Variants in MYO15B observed in about 807,000 individuals in gnomAD.
MYO15B encodes the protein myosin XVB pseudogene.
Under a neutral mutation model 119.3 loss-of-function variants are expected in MYO15B, and 207 were observed. That is an observed-to-expected ratio of 1.73 (90% CI 1.55 to 1.95). MYO15B has a LOEUF of 1.95. MYO15B is among the 30% of genes most tolerant of loss of function. MYO15B has a pLI of 0.00. For synonymous variants in MYO15B, 966 were observed against 498.9 expected (o/e 1.94, Z -12.48); for missense variants, 2,264 against 1,203.1 (o/e 1.88, Z -13.04).
chr17:75,592,285 C>T (rs2056519563), exon 7 of MYO15B: 1 of 702,860 alleles, frequency 1.4e-6, no homozygotes, highest in East Asian at 2.7e-5. Flanking sequence ...CTTGAGACCT[C>T]CAGGGTGGTG....
chr17:75,589,504 G>A lies in MYO15B; in HGVS notation c.1447G>A (p.Gly483Arg). The A allele has an allele frequency of 2.5e-6, 1 of 398,744 alleles. No individual in the cohort carries two copies. The highest frequency in any genetic ancestry group is 3.6e-5 in the East Asian group (1 of 28,026). 24.7% of individuals were successfully genotyped at this position (398,744 alleles called of 1,614,324 possible). The stretch of plus-strand genomic sequence containing the variant: ...TGACGAGGGCCGGGACCACCAGAGA[G>A]GGTACGAGGGGTGGGGCCGTGAGCC... The change falls in exon 1 of 64, where the codon GGG (glycine) becomes AGG (arginine). Residue 483 changes from glycine to arginine, a missense_variant. Gly to Arg is a moderately radical substitution (Grantham distance 125, BLOSUM62 -2). Coordinates refer to ENST00000645453, the Ensembl canonical transcript of MYO15B. This position sits in a 1 kb window ranked among gnomAD's most constrained non-coding sequence, Gnocchi z 4.2.
intron 56 of MYO15B, 46 bp downstream of exon 56, chr17:75,624,315 G>A (rs1568234437): frequency 2.8e-6 from 2 of 702,754 alleles, no homozygotes; most frequent in East Asian, 5.4e-5. Context: ...CTGGGGTGGG[G>A]AGTGTCTCCT....
At chr17:75,594,666 C>T (rs1271519680) in intron 10 of MYO15B, 35 bp from the exon 11 acceptor site, 1 of 702,190 alleles carries the variant, frequency 1.4e-6, no homozygotes, top group Non-Finnish European at 2.6e-6. Context: ...GGGCTGCAGG[C>T]CTGACACACC....
chr17:75,601,004 A>G (rs1002371805), intron 14 of MYO15B, among the ~76,000 whole-genome samples: 1 of 151,262 alleles, frequency 6.6e-6, no homozygotes, highest in African/African-American at 2.4e-5. Flanking sequence ...CCTGGGTTCA[A>G]GTGATTCTCC....
Position 75,603,276 on chromosome 17 carries a change from TC to T in MYO15B, c.3984del (p.Val1329CysfsTer33). 1 of 703,078 alleles carries T rather than the reference TC, an allele frequency of 1.4e-6. No homozygotes were observed. The allele number at this position is 703,078 out of a possible 1,614,324, so 43.6% of individuals were successfully genotyped here. On this transcript the variant is annotated frameshift_variant, in exon 19 of 64. Transcript: ENST00000645453. LOFTEE classifies it high-confidence loss of function. Reference sequence around the variant, plus strand: ...GCCGTGGGCACCCGCAGTGCCAACTTCCCCGTGCGTGTGCCCTTTGAGGCCT... The same window carrying T: ...GCCGTGGGCACCCGCAGTGCCAACTTCCCGTGCGTGTGCCCTTTGAGGCCT...
At chr17:75,607,477 G>A (rs1038018289) in intron 21 of MYO15B, among the ~76,000 whole-genome samples, 10 of 150,190 alleles carry the variant, frequency 6.7e-5, no homozygotes, top group Non-Finnish European at 1.2e-4. Flanking sequence ...TTGAGATGGA[G>A]TCTTGCTCTG....
chr17:75,621,795 G>A (rs1025191720), intron 52 of MYO15B: 2 of 605,368 alleles, frequency 3.3e-6, no homozygotes, highest in Non-Finnish European at 5.9e-6. Context: ...TGGGTCCAGA[G>A]GATGCTATGT....
intron 52 of MYO15B, 39 bp downstream of exon 52, chr17:75,621,609 G>A (rs2058716555): frequency 1.4e-6 from 1 of 694,968 alleles, no homozygotes; most frequent in Non-Finnish European, 2.6e-6. Flanking sequence ...CATGTCTGCA[G>A]TGCCATGAAC....
At chr17:75,624,507 T>G (rs1210143001) in intron 57 of MYO15B, 36 bp from the exon 58 acceptor site, 3 of 702,856 alleles carry the variant, frequency 4.3e-6, no homozygotes, top group African/African-American at 1.7e-5. Flanking sequence ...TCCCCCAGCC[T>G]CCCTCCCCCT....
chr17:75,593,175 CAT>C (rs1450798532), intron 9 of MYO15B: 2 of 116,282 alleles, frequency 1.7e-5, no homozygotes, highest in Non-Finnish European at 3.1e-5. Context: ...GCCTAGGCAA[CAT>C]AGAGAAACCC....
chr17:75,588,931 A>G (rs1287740799), exon 1 of MYO15B: 3 of 398,134 alleles, frequency 7.5e-6, no homozygotes, highest in African/African-American at 2.1e-5. Context: ...GCCAGAAACA[A>G]TGCAGGCCTC....
intron 37 of MYO15B, 26 bp downstream of exon 37, chr17:75,616,173 CGT>C: frequency 3.5e-6 from 2 of 565,466 alleles, no homozygotes; most frequent in Non-Finnish European, 6.2e-6. Flanking sequence ...GTGGCAGGAC[CGT>C]GCAGAAACAT....
In MYO15B at chr17:75,624,951, T is replaced by A. The variant is rs1249026057; in HGVS notation, c.8688+35T>A. Reference sequence around the variant, plus strand: ...CCTGCCTCCGAGCTGCTGCTGCAGTTTGAGGGCGCGGCTTCCTGCCTGGGC... The same window carrying A: ...CCTGCCTCCGAGCTGCTGCTGCAGTATGAGGGCGCGGCTTCCTGCCTGGGC... On this transcript the variant is annotated intron_variant, in intron 59 of 63. Coordinates refer to ENST00000645453, the Ensembl canonical transcript of MYO15B. 1.1e-5 allele frequency: 8 copies of A among 698,014 alleles called. No homozygotes were observed. The Admixed American group carries it at 1.2e-4, about 10-fold the overall frequency. 43.2% of individuals were successfully genotyped at this position (698,014 alleles called of 1,614,324 possible).
chr17:75,601,612 C>A (rs1391291832), intron 15 of MYO15B, 49 bp downstream of exon 15: 2 of 687,736 alleles, frequency 2.9e-6, no homozygotes, highest in Non-Finnish European at 2.7e-6. Context: ...GGGCAGTGTC[C>A]CCTCCCAAGC....
intron 48 of MYO15B, 42 bp downstream of exon 48, chr17:75,620,399 C>T (rs1433838724): frequency 2.8e-6 from 2 of 702,816 alleles, no homozygotes; most frequent in Admixed American, 4.0e-5. Context: ...GGGAGGGCAT[C>T]CACTTGGCAG....
exon 33 of MYO15B, chr17:75,614,999 G>A: frequency 1.4e-6 from 1 of 703,042 alleles, no homozygotes; most frequent in South Asian, 1.5e-5. Flanking sequence ...GCCGCATGAA[G>A]GGAGGGGGCG....
exon 1 of MYO15B, chr17:75,588,376 G>A (rs1339575528): frequency 5.0e-6 from 2 of 398,506 alleles, no homozygotes; most frequent in Non-Finnish European, 8.8e-6. Flanking sequence ...GGGCGGCCGC[G>A]GGGGGCGCCT....
At position 75,603,018 on chromosome 17, in the gene MYO15B, CT is replaced by C; in HGVS notation, c.3846-11del. 1.4e-6 allele frequency: 1 copy of C among 703,308 alleles called. No homozygotes were observed. Among genetic ancestry groups the C allele is most frequent in the South Asian group, 1.5e-5 (1 of 67,602 alleles). 43.6% of individuals were successfully genotyped at this position (703,308 alleles called of 1,614,324 possible). On this transcript the variant is annotated splice_polypyrimidine_tract_variant and intron_variant, in intron 17 of 63. Transcript: ENST00000645453. ...TCCAGTCTGTGCCCGAGTGACCCCT[CT>C]TTCCCTCATCAGGAGCCATGTCTAT...
At chr17:75,616,359 C>T in exon 38 of MYO15B, 1 of 613,190 alleles carries the variant, frequency 1.6e-6, no homozygotes, top group Non-Finnish European at 2.9e-6. Flanking sequence ...GGCCAAGGTC[C>T]ACATCCCCCA....
Sources: allele counts gnomAD v4.1 joint callset (sites outside exome capture counted in the v4.1 genomes callset), GRCh38; gene constraint gnomAD v4.1.1; non-coding constraint Gnocchi (gnomAD v3.1); transcripts MANE v1.5; gene names NCBI Gene and HGNC (gene_info 2026-07-23, HGNC 2026-07-21).